ACOXL: variants seen among roughly 807,000 people sequenced by gnomAD.
ACOXL encodes acyl-coenzyme A oxidase-like protein.
In ACOXL, 70 loss-of-function variants were observed where a neutral mutation model predicts 71.9. The observed-to-expected ratio is 0.97, with a 90% confidence interval of 0.80 to 1.19. The LOEUF is 1.19. Ranked by LOEUF, ACOXL falls within the 50% of genes most tolerant of loss-of-function variation. The probability of loss-of-function intolerance (pLI) is 0.00; values close to 1 mark genes in which losing one functional copy is unlikely to be tolerated. For synonymous variants in ACOXL, 253 were observed against 281.6 expected (o/e 0.90, Z 1.02); for missense variants, 703 against 736.3 (o/e 0.95, Z 0.52).
chr2:110,810,389 A>G (rs572745308), intron 9 of ACOXL, among the ~76,000 whole-genome samples: 2 of 152,242 alleles, frequency 1.3e-5, no homozygotes, highest in Admixed American at 1.3e-4. Context: ...GTAGAGCCCT[A>G]CATGTCATGG....
At chr2:110,823,300 C>T (rs1277284989) in intron 9 of ACOXL, among the ~76,000 whole-genome samples, 2 of 151,520 alleles carry the variant, frequency 1.3e-5, no homozygotes, top group African/African-American at 4.8e-5. Flanking sequence ...CTGGATAGCT[C>T]GTTCTTTTTG....
intron 10 of ACOXL, among the ~76,000 whole-genome samples, chr2:110,906,747 C>T (rs572703797): frequency 3.9e-5 from 6 of 152,318 alleles, no homozygotes; most frequent in East Asian, 1.9e-4. Flanking sequence ...TCTCTCTGCA[C>T]GTGCCGCCTT....
chr2:110,805,357 A>C lies in ACOXL; in HGVS notation c.715A>C (p.Arg239=), dbSNP rs1686508493. 1.2e-6 allele frequency: 2 copies of C among 1,614,112 alleles called. No individual in the cohort carries two copies. Among genetic ancestry groups the C allele is most frequent in the African/African-American group, 2.7e-5 (2 of 74,930 alleles). ...CATGCTGGCAGCACTGACCCCTTCG[A>C]GATTAGCTGTGGCTTTCCAAGCTAT... ...NAMLAALTPS[R]LAVAFQAMGA... is the part of the protein sequence containing the mutation. The change falls in exon 9 of 18, where the codon AGA becomes CGA. Residue 239 remains arginine (R), a synonymous_variant. Transcript: ENST00000439055.
At chr2:110,813,294 A>G in intron 9 of ACOXL, among the ~76,000 whole-genome samples, 1 of 152,214 alleles carries the variant, frequency 6.6e-6, no homozygotes, top group East Asian at 1.9e-4. Flanking sequence ...CAGAGGCTAC[A>G]CAGGCATTGT....
intron 16 of ACOXL, among the ~76,000 whole-genome samples, chr2:111,074,415 T>G (rs1443445195): frequency 6.6e-6 from 1 of 152,124 alleles, no homozygotes; most frequent in Non-Finnish European, 1.5e-5. Flanking sequence ...TGTATGTGTG[T>G]TTTTCTCTTG....
intron 2 of ACOXL, among the ~76,000 whole-genome samples, chr2:110,783,043 G>A (rs1479771113): frequency 6.6e-6 from 1 of 152,142 alleles, no homozygotes; most frequent in Non-Finnish European, 1.5e-5. Context: ...AGCAGGGAGG[G>A]CTGGTGGCAA....
intron 3 of ACOXL, among the ~76,000 whole-genome samples, chr2:110,788,582 T>G (rs1684270530): frequency 6.6e-6 from 1 of 152,216 alleles, no homozygotes; most frequent in Non-Finnish European, 1.5e-5. Flanking sequence ...ACATTATGAC[T>G]GTACTTCATG....
intron 16 of ACOXL, among the ~76,000 whole-genome samples, chr2:111,060,392 C>T (rs1417599213): frequency 2.6e-5 from 4 of 152,160 alleles, no homozygotes; most frequent in Non-Finnish European, 4.4e-5. Flanking sequence ...GGGACCTCTA[C>T]CCTTCCCAAC....
At chr2:111,090,110 G>A (rs547066194) in intron 16 of ACOXL, among the ~76,000 whole-genome samples, 107 of 152,312 alleles carry the variant, frequency 7.0e-4, no homozygotes, top group Non-Finnish European at 1.3e-3. Context: ...TTAGGTAGCA[G>A]AAGTTGTAAC....
chr2:111,098,474 T>A (rs979778138), intron 17 of ACOXL: 1 of 152,168 alleles, frequency 6.6e-6, no homozygotes, highest in African/African-American at 2.4e-5. Flanking sequence ...AAACTGACGA[T>A]GCATGGAAGA....
intron 12 of ACOXL, among the ~76,000 whole-genome samples, chr2:110,953,108 A>G (rs1212421572): frequency 3.3e-5 from 5 of 152,140 alleles, no homozygotes; most frequent in Non-Finnish European, 5.9e-5. Flanking sequence ...AATTCTCACA[A>G]TGGCCCTATA....
intron 7 of ACOXL, among the ~76,000 whole-genome samples, 191 bp from the exon 8 acceptor site, chr2:110,801,461 C>T (rs1274286097): frequency 6.6e-6 from 1 of 152,206 alleles, no homozygotes; most frequent in Non-Finnish European, 1.5e-5. Context: ...AGGGGCCAGG[C>T]TGGTGGAAGA....
At chr2:110,989,724 A>G (rs2063092338) in intron 13 of ACOXL, among the ~76,000 whole-genome samples, 1 of 152,196 alleles carries the variant, frequency 6.6e-6, no homozygotes, top group Non-Finnish European at 1.5e-5. Flanking sequence ...GAACGTACTT[A>G]ATACCACTGA....
chr2:110,748,151 C>T (rs1370177548), intron 1 of ACOXL, among the ~76,000 whole-genome samples: 1 of 152,160 alleles, frequency 6.6e-6, no homozygotes, highest in Non-Finnish European at 1.5e-5. Flanking sequence ...CACTCCTGCT[C>T]CTCTGTCTTC....
intron 3 of ACOXL, among the ~76,000 whole-genome samples, chr2:110,791,968 C>G (rs976359965): frequency 6.6e-6 from 1 of 152,184 alleles, no homozygotes; most frequent in Non-Finnish European, 1.5e-5. Flanking sequence ...CCTCCTTCCC[C>G]CAACCGGGTC....
At chr2:111,059,606 A>T (rs1369905036) in intron 16 of ACOXL, among the ~76,000 whole-genome samples, 1 of 152,202 alleles carries the variant, frequency 6.6e-6, no homozygotes, top group African/African-American at 2.4e-5. Flanking sequence ...AAACAAACAT[A>T]AAAGATTCTG....
chr2:110,793,812 A>T, intron 4 of ACOXL, 76 bp downstream of exon 4: 1 of 1,168,904 alleles, frequency 8.6e-7, no homozygotes, highest in Non-Finnish European at 1.3e-6. Flanking sequence ...GCATGTGTGT[A>T]TGTGTTTGAA....
At chr2:110,787,301 A>G (rs896940265) in intron 3 of ACOXL, among the ~76,000 whole-genome samples, 2 of 152,118 alleles carry the variant, frequency 1.3e-5, no homozygotes, top group Admixed American at 6.5e-5. Context: ...TTGGGAGGCC[A>G]AGGCAGGCGG....
chr2:110,995,864 TA>T (rs775893710), intron 13 of ACOXL, 28 bp from the exon 14 acceptor site: 6 of 1,571,336 alleles, frequency 3.8e-6, no homozygotes, highest in Non-Finnish European at 5.3e-6. Context: ...GCCAAAATAA[TA>T]ATGATGGTCA....
Sources: allele counts gnomAD v4.1 joint callset (sites outside exome capture counted in the v4.1 genomes callset), GRCh38; gene constraint gnomAD v4.1.1; transcripts MANE v1.5; gene names NCBI Gene and HGNC (gene_info 2026-07-23, HGNC 2026-07-21).